Variants in MYRF observed in about 807,000 individuals in gnomAD.
The protein encoded by MYRF is myelin gene regulatory factor.
Under a neutral mutation model 126.3 loss-of-function variants are expected in MYRF, and 16 were observed. That is an observed-to-expected ratio of 0.13 (90% CI 0.09 to 0.19). The LOEUF is 0.19. MYRF is among the 10% of genes least tolerant of loss of function. The pLI, the probability that MYRF is intolerant of heterozygous loss-of-function variation, is 1.00. For missense variants in MYRF, 1,104 were observed against 1,547.0 expected (o/e 0.71, Z 4.80); for synonymous variants, 608 against 635.3 (o/e 0.96, Z 0.65).
chr11:61,773,984 G>A lies in MYRF; in HGVS notation c.1133G>A (p.Arg378His), dbSNP rs142363357. The A allele has an allele frequency of 1.5e-5, 21 of 1,374,210 alleles. No individual in the cohort carries two copies. The highest frequency in any genetic ancestry group is 3.1e-5 in the East Asian group (1 of 31,790). 85.1% of individuals were successfully genotyped at this position (1,374,210 alleles called of 1,614,324 possible). A position where few individuals can be genotyped will look rare whatever the true frequency, so the allele number is the denominator to read the frequency against. Residue 378 changes from arginine (R) to histidine (H), a missense_variant, in exon 8 of 27, where the codon CGC becomes CAC. Arg to His is a conservative substitution (Grantham distance 29). Around this residue, in one of 10 missense-constraint regions of MYRF, gnomAD observed 87 missense variants for 129.2 expected, o/e 0.67. Coordinates refer to ENST00000278836, the MANE Select transcript of MYRF (RefSeq NM_001127392.3). The stretch of plus-strand genomic sequence containing the variant: ...CCCCCCAGGCCCATGCTCACCTACC[G>A]CGTGGATGCGGACAAGGGCTTCAAC... ...NYKELPMLTY[R>H]VDADKGFNFS...
At chr11:61,779,777 G>T (rs1192317160) in intron 16 of MYRF, 65 bp from the exon 17 acceptor site, 33 of 1,489,994 alleles carry the variant, frequency 2.2e-5, no homozygotes, top group Non-Finnish European at 2.9e-5. Flanking sequence ...ACCTCCAGCA[G>T]AGCCCACTGG....
At chr11:61,781,973 C>T in intron 22 of MYRF, 149 bp downstream of exon 22, 1 of 977,634 alleles carries the variant, frequency 1.0e-6, no homozygotes, top group Non-Finnish European at 1.4e-6. Flanking sequence ...AGGAATCAGG[C>T]CTGCAGCCTT....
In MYRF at chr11:61,779,559, G is replaced by A. The variant is rs2066484237; in HGVS notation, c.2236G>A (p.Val746Met). 6.6e-7 allele frequency: 1 copy of A among 1,503,902 alleles called. No homozygotes were observed. The highest frequency in any genetic ancestry group is 1.4e-5 in the South Asian group (1 of 72,916). The allele number at this position is 1,503,902 out of a possible 1,614,324, so 93.2% of individuals were successfully genotyped here. The change falls in exon 16 of 27, where the codon GTG becomes ATG. Residue 746 changes from valine to methionine, a missense_variant. This residue lies in a region of MYRF where 323 missense variants were observed against 383.1 expected (regional missense o/e 0.84). Coordinates refer to ENST00000278836, the MANE Select transcript of MYRF (RefSeq NM_001127392.3). ...SVPHKKRPPK[V>M]ASKSSSVVPD... ...CCCCCACAAGAAGAGGCCCCCCAAG[G>A]TGGCCAGCAAGGTAGGGGTGAGCAG...
Position 61,752,656 on chromosome 11 carries a change from A to T in MYRF, c.-89A>T. 9.5e-7 allele frequency: 1 copy of T among 1,050,218 alleles called. No individual in the cohort carries two copies. The highest frequency in any genetic ancestry group is 1.2e-6 in the Non-Finnish European group (1 of 828,350). 65.1% of individuals were successfully genotyped at this position (1,050,218 alleles called of 1,614,324 possible). A position where few individuals can be genotyped will look rare whatever the true frequency, so the allele number is the denominator to read the frequency against. ...GGACCGTAGCCGGAGCCCAGCCGGG[A>T]CTGTCGCGCGGGCCGCGCCGGCGAT... is the stretch of plus-strand genomic sequence containing the variant. On this transcript the variant is annotated 5_prime_UTR_variant, in exon 1 of 27. Coordinates refer to ENST00000278836, the MANE Select transcript of MYRF (RefSeq NM_001127392.3).
intron 18 of MYRF, 145 bp from the exon 19 acceptor site, chr11:61,780,567 T>TGGGGTAGGAGGAAGGAGGGCC: frequency 1.2e-6 from 1 of 833,270 alleles, no homozygotes; most frequent in South Asian, 1.8e-5. Flanking sequence ...GGTTGGAACA[T>TGGGGTAGGAGGAAGGAGGGCC]GGGGTAGGAG....
Position 61,766,002 on chromosome 11 carries a change from C to T in MYRF, c.179C>T (p.Ser60Phe), listed in dbSNP as rs770730713. 21 of 1,577,598 alleles carry T rather than the reference C, an allele frequency of 1.3e-5. No individual in the cohort carries two copies. In the South Asian group the frequency reaches 1.8e-4, roughly 14 times the overall value. ...GCTCCAGCCAGCTCGGCCTCCTACT[C>T]CCACGGGCAGCCTGCGATGCCTGGC... is the stretch of plus-strand genomic sequence containing the variant. ...ISAPASSASY[S>F]HGQPAMPGSS... Residue 60 changes from serine (S) to phenylalanine (F), a missense_variant, in exon 3 of 27, where the codon TCC becomes TTC. Physicochemically the swap from Ser to Phe is radical, Grantham distance 155. Transcript: ENST00000278836.
chr11:61,777,906 C>T lies in MYRF; in HGVS notation c.1903+61C>T. On this transcript the variant is annotated intron_variant, in intron 13 of 26. Transcript: ENST00000278836. The surrounding 1 kb of genome is among the most constrained non-coding windows in gnomAD (Gnocchi z 8.8). ...ACCCAGAAACCTCGGGCCTCAGTGA[C>T]CTTGCCCCCTGTCACCTGGAAATCC... The T allele has an allele frequency of 1.5e-6, 2 of 1,323,368 alleles. No individual in the cohort carries two copies. Among genetic ancestry groups the T allele is most frequent in the Admixed American group, 2.1e-5 (1 of 48,588 alleles). The allele number at this position is 1,323,368 out of a possible 1,614,324, so 82.0% of individuals were successfully genotyped here. A position where few individuals can be genotyped will look rare whatever the true frequency, so the allele number is the denominator to read the frequency against.
rs748246839 is a variant in MYRF, at chr11:61,785,885, G to A, written c.3375+11G>A. On this transcript the variant is annotated intron_variant, in intron 26 of 26. Coordinates refer to ENST00000278836, the MANE Select transcript of MYRF (RefSeq NM_001127392.3). ...CGGGTGGCACTGCTGGTGAGCAGGG[G>A]CATCCCACCTACCCTGGAGGTCTGG... 1.9e-6 allele frequency: 3 copies of A among 1,613,600 alleles called. No individual in the cohort carries two copies. The highest frequency in any genetic ancestry group is 1.1e-5 in the South Asian group (1 of 91,074).
chr11:61,780,860 T>C lies in MYRF; in HGVS notation c.2486+68T>C, dbSNP rs2066522462. ...CCTCTTCCTGCCTCCCTCCCCTCCC[T>C]CTCTGCCTCTTCCTGCCCTCCTGCC... is the stretch of plus-strand genomic sequence containing the variant. On this transcript the variant is annotated intron_variant, in intron 19 of 26. Coordinates refer to ENST00000278836, the MANE Select transcript of MYRF (RefSeq NM_001127392.3). 22 of 1,573,960 alleles carry C rather than the reference T, an allele frequency of 1.4e-5. No homozygotes were observed. The South Asian group carries it at 1.9e-4, about 14-fold the overall frequency.
chr11:61,770,449 G>A lies in MYRF; in HGVS notation c.664G>A (p.Gly222Arg), dbSNP rs778334606. The A allele has an allele frequency of 1.9e-6, 3 of 1,560,842 alleles. No individual in the cohort carries two copies. The highest frequency in any genetic ancestry group is 1.2e-5 in the South Asian group (1 of 84,722). Residue 222 changes from glycine (G) to arginine (R), a missense_variant, in exon 5 of 27, where the codon GGG becomes AGG. Physicochemically the swap from Gly to Arg is moderately radical, Grantham distance 125 (BLOSUM62 -2). Transcript: ENST00000278836. ...PIPHYAAMGQ[G>R]LVPTDLHHTQ... ...CCCCCACTACGCTGCCATGGGGCAG[G>A]GGCTGGTGCCCACTGATCTTCACCA...
intron 1 of MYRF, chr11:61,755,429 C>A (rs768873948): frequency 6.2e-7 from 1 of 1,610,306 alleles, no homozygotes; most frequent in Admixed American, 1.7e-5. Context: ...GCAGGATGCA[C>A]TGGCTTCCAG....
chr11:61,779,121 G>A (rs2066470519), intron 14 of MYRF, 142 bp from the exon 15 acceptor site: 6 of 908,204 alleles, frequency 6.6e-6, no homozygotes, highest in Middle Eastern at 3.2e-4. Flanking sequence ...GGCCCGCCCA[G>A]GTAGGGAGAC....
At chr11:61,780,432 G>A in intron 18 of MYRF, 142 bp downstream of exon 18, 4 of 775,882 alleles carry the variant, frequency 5.2e-6, no homozygotes, top group South Asian at 1.8e-5. Flanking sequence ...TGGGGATCCA[G>A]GGAGGGCCTC....
chr11:61,753,265 C>T (rs543810927), intron 1 of MYRF, among the ~76,000 whole-genome samples: 29 of 152,012 alleles, frequency 1.9e-4, no homozygotes, highest in African/African-American at 6.3e-4. Context: ...CTGTGACCCC[C>T]GCCTAGAGAC....
At position 61,771,600 on chromosome 11, in the gene MYRF, A is replaced by T. The variant is rs763643172; in HGVS notation, c.841A>T (p.Thr281Ser). The T allele has an allele frequency of 6.2e-7, 1 of 1,613,744 alleles. No individual in the cohort carries two copies. The highest frequency in any genetic ancestry group is 1.3e-5 in the African/African-American group (1 of 74,874). ...LNGMIKQEPG[T>S]VTALPLHPTR... The stretch of plus-strand genomic sequence containing the variant: ...TGGAATGATCAAACAGGAGCCTGGG[A>T]CCGTGACAGCCCTGCCTCTGCACCC... Residue 281 changes from threonine (T) to serine (S), a missense_variant, in exon 6 of 27, where the codon ACC becomes TCC. By Grantham distance (58) the Thr-to-Ser change is moderately conservative (BLOSUM62 1). Transcript: ENST00000278836.
chr11:61,781,904 G>A, intron 22 of MYRF, 80 bp downstream of exon 22: 1 of 1,436,502 alleles, frequency 7.0e-7, no homozygotes, highest in Non-Finnish European at 9.1e-7. Context: ...CCAGTCATGT[G>A]ACTGTCTGGG....
chr11:61,755,353 C>T (rs1479086299), intron 1 of MYRF: 3 of 1,598,300 alleles, frequency 1.9e-6, no homozygotes, highest in East Asian at 2.3e-5. Context: ...CCCGGCTAAT[C>T]CCCTAGAGAG....
At chr11:61,760,610 G>A (rs1687241875) in intron 1 of MYRF, among the ~76,000 whole-genome samples, 1 of 152,182 alleles carries the variant, frequency 6.6e-6, no homozygotes, top group South Asian at 2.1e-4. Flanking sequence ...TGGGGGAGAG[G>A]GGACAGCCTG....
At chr11:61,781,882 G>C in intron 22 of MYRF, 58 bp downstream of exon 22, 1 of 1,467,788 alleles carries the variant, frequency 6.8e-7, no homozygotes, top group Non-Finnish European at 9.0e-7. Context: ...ACTGGCCAGG[G>C]CCCACCTCAG....
Sources: allele counts gnomAD v4.1 joint callset (sites outside exome capture counted in the v4.1 genomes callset), GRCh38; gene constraint gnomAD v4.1.1; regional missense constraint gnomAD v4.1.1; non-coding constraint Gnocchi (gnomAD v3.1); transcripts MANE v1.5; gene names NCBI Gene and HGNC (gene_info 2026-07-23, HGNC 2026-07-21).